GPR39: variants seen among roughly 807,000 people sequenced by gnomAD.
The protein encoded by GPR39 is zinc sensing receptor.
In GPR39, 23 loss-of-function variants were observed where a neutral mutation model predicts 18.4. The observed-to-expected ratio is 1.25, with a 90% CI of 0.90 to 1.77. The LOEUF (loss-of-function observed/expected upper bound fraction) is 1.77, where lower values mean the gene tolerates loss of function less well. Among genes scored for constraint, GPR39 ranks in the 40% most tolerant of loss-of-function variants. The probability of loss-of-function intolerance (pLI) is 0.00; values close to 1 mark genes in which losing one functional copy is unlikely to be tolerated. For synonymous variants in GPR39, 280 were observed against 257.9 expected (o/e 1.09, Z -0.82); for missense variants, 647 against 602.4 (o/e 1.07, Z -0.78).
chr2:132,529,819 A>G (rs1045348889), intron 1 of GPR39, among the ~76,000 whole-genome samples: 84 of 152,208 alleles, frequency 5.5e-4, no homozygotes, highest in African/African-American at 1.9e-3. Flanking sequence ...AAGCTAGCAA[A>G]CAGAAAGGAC....
intron 1 of GPR39, among the ~76,000 whole-genome samples, chr2:132,546,896 G>C (rs961100333): frequency 1.4e-5 from 2 of 146,314 alleles, no homozygotes; most frequent in African/African-American, 5.2e-5. Context: ...CAAATGAAGG[G>C]GAGGGAAGGA....
chr2:132,478,921 C>T (rs546887586), intron 1 of GPR39, among the ~76,000 whole-genome samples: 1 of 151,292 alleles, frequency 6.6e-6, no homozygotes. Flanking sequence ...GATGTGAGCT[C>T]TACTTGGCAT....
intron 1 of GPR39, among the ~76,000 whole-genome samples, chr2:132,517,056 T>A (rs181653841): frequency 6.8e-6 from 1 of 146,422 alleles, no homozygotes; most frequent in East Asian, 1.9e-4. Flanking sequence ...AAATGCGCAT[T>A]TTTTTTTAAA....
intron 1 of GPR39, among the ~76,000 whole-genome samples, chr2:132,426,404 CT>C (rs757644226): frequency 6.6e-6 from 1 of 152,192 alleles, no homozygotes; most frequent in Non-Finnish European, 1.5e-5. Context: ...AATTATCATC[CT>C]TTTGGTAGCT....
chr2:132,502,893 A>C (rs1679073054), intron 1 of GPR39, among the ~76,000 whole-genome samples: 1 of 152,004 alleles, frequency 6.6e-6, no homozygotes, highest in Non-Finnish European at 1.5e-5. Flanking sequence ...TATTTCTCTA[A>C]GTGTGTCCTT....
chr2:132,577,378 C>A (rs1402704512), intron 1 of GPR39, among the ~76,000 whole-genome samples: 1 of 152,054 alleles, frequency 6.6e-6, no homozygotes, highest in Non-Finnish European at 1.5e-5. Flanking sequence ...ATTCTAGTTC[C>A]TTTGCCTTTC....
intron 1 of GPR39, among the ~76,000 whole-genome samples, chr2:132,512,778 C>T (rs114229209): frequency 3.4e-4 from 52 of 152,316 alleles, no homozygotes; most frequent in African/African-American, 1.3e-3. Context: ...GCTGTCACTC[C>T]CAATACATAG....
chr2:132,425,088 C>G, intron 1 of GPR39, among the ~76,000 whole-genome samples: 1 of 152,198 alleles, frequency 6.6e-6, no homozygotes, highest in East Asian at 1.9e-4. Context: ...CGTTCTTCAA[C>G]GACAATCTCC....
intron 1 of GPR39, among the ~76,000 whole-genome samples, chr2:132,460,286 T>C (rs1680807555): frequency 6.6e-6 from 1 of 152,170 alleles, no homozygotes; most frequent in Non-Finnish European, 1.5e-5. Context: ...TTTTCCTGAA[T>C]GGCTGTACCA....
At chr2:132,433,700 C>A (rs556809747) in intron 1 of GPR39, 3 of 150,074 alleles carry the variant, frequency 2.0e-5, no homozygotes, top group Non-Finnish European at 4.5e-5. Flanking sequence ...ATTCATGAAG[C>A]CGTCACTTGC....
At chr2:132,566,930 C>T (rs1680358798) in intron 1 of GPR39, among the ~76,000 whole-genome samples, 1 of 152,220 alleles carries the variant, frequency 6.6e-6, no homozygotes, top group South Asian at 2.1e-4. Flanking sequence ...AATGGCCTTC[C>T]CGGGAGCCTT....
intron 1 of GPR39, among the ~76,000 whole-genome samples, chr2:132,621,010 C>T (rs936208019): frequency 1.3e-5 from 2 of 152,202 alleles, no homozygotes; most frequent in South Asian, 2.1e-4. Flanking sequence ...CCTCGGCCTC[C>T]CAAACTGCTG....
chr2:132,617,080 G>A (rs1681351188), intron 1 of GPR39, among the ~76,000 whole-genome samples: 1 of 152,106 alleles, frequency 6.6e-6, no homozygotes, highest in Admixed American at 6.5e-5. Context: ...ACGTAGCCTT[G>A]GGTCTTCCAG....
At position 132,551,477 on chromosome 2, in the gene GPR39, T is replaced by C. The variant is rs113053637; in HGVS notation, c.857-93624T>C. Among the ~76,000 whole-genome samples, 10 of 152,256 alleles carry C rather than the reference T, an allele frequency of 6.6e-5. 1 individual carries two copies. The highest frequency in any genetic ancestry group is 2.4e-4 in the African/African-American group (10 of 41,548). The stretch of plus-strand genomic sequence containing the variant: ...GAAGAAGAGGGCAATAACTGAGGGC[T>C]CCATATCACCCTAAAACTGTCCACA... On this transcript the variant is annotated intron_variant, in intron 1 of 1. Coordinates refer to ENST00000329321, the MANE Select transcript of GPR39 (RefSeq NM_001508.3).
chr2:132,533,181 A>G (rs1232965052), intron 1 of GPR39, among the ~76,000 whole-genome samples: 3 of 152,080 alleles, frequency 2.0e-5, no homozygotes, highest in Non-Finnish European at 4.4e-5. Context: ...AAAAATCAGA[A>G]GCATTCTTAT....
intron 1 of GPR39, among the ~76,000 whole-genome samples, chr2:132,451,542 T>C (rs1680632888): frequency 6.6e-6 from 1 of 151,982 alleles, no homozygotes; most frequent in Non-Finnish European, 1.5e-5. Flanking sequence ...AGGTGAGAGG[T>C]TATTATATGA....
intron 1 of GPR39, among the ~76,000 whole-genome samples, chr2:132,436,192 C>A (rs563691862): frequency 1.3e-5 from 2 of 152,280 alleles, no homozygotes; most frequent in Non-Finnish European, 2.9e-5. Flanking sequence ...CCATTCTAGG[C>A]GGGAGCTTTT....
chr2:132,586,150 T>C (rs1026619345), intron 1 of GPR39, among the ~76,000 whole-genome samples: 7 of 151,930 alleles, frequency 4.6e-5, no homozygotes, highest in African/African-American at 1.7e-4. Context: ...TTGGTGTTCC[T>C]CAAAGAAAGA....
At chr2:132,542,002 G>A (rs1679869503) in intron 1 of GPR39, among the ~76,000 whole-genome samples, 1 of 152,138 alleles carries the variant, frequency 6.6e-6, no homozygotes, top group Non-Finnish European at 1.5e-5. Context: ...AGGGGGCAAG[G>A]TAGCTCACTG....
Sources: gnomAD v4.1 joint callset for allele counts (sites outside exome capture counted in the v4.1 genomes callset) on GRCh38, gnomAD v4.1.1 for gene constraint, MANE v1.5 for transcripts, NCBI Gene and HGNC (gene_info 2026-07-23, HGNC 2026-07-21) for gene names.